Variants in GRIK2 observed in about 807,000 individuals in gnomAD.
The protein encoded by GRIK2 is glutamate ionotropic receptor kainate type subunit 2.
A neutral mutation model predicts 100.3 loss-of-function variants in GRIK2; 32 were observed. The ratio of observed to expected loss-of-function variants is 0.32; its 90% CI spans 0.24 to 0.43. The LOEUF is 0.43. Among genes scored for constraint, GRIK2 ranks in the 20% least tolerant of loss-of-function variants. The probability of loss-of-function intolerance (pLI) is 1.00; values close to 1 mark genes in which losing one functional copy is unlikely to be tolerated. For missense variants in GRIK2, 843 were observed against 1,114.9 expected (o/e 0.76, Z 3.47); for synonymous variants, 417 against 389.4 (o/e 1.07, Z -0.83).
chr6:101,586,640 A>C (rs1395854655), intron 2 of GRIK2, among the ~76,000 whole-genome samples: 1 of 151,960 alleles, frequency 6.6e-6, no homozygotes, highest in East Asian at 1.9e-4. Flanking sequence ...GGGCTGAGGC[A>C]GGTGGATTGC....
At position 101,589,328 on chromosome 6, in the gene GRIK2, T is replaced by C. The variant is rs1296597724; in HGVS notation, c.116-32621T>C. ...GGTGGCAACACCGTCTACCCTCTTT[T>C]AGAATATTTTTAAAACACAGTATGT... On this transcript the variant is annotated intron_variant, in intron 2 of 16. Coordinates refer to ENST00000369134, the MANE Select transcript of GRIK2 (RefSeq NM_021956.5). Among the ~76,000 whole-genome samples the C allele has an allele frequency of 3.9e-5, 6 of 152,272 alleles. 1 individual carries two copies. The South Asian group carries it at 1.0e-3, about 26-fold the overall frequency.
intron 7 of GRIK2, among the ~76,000 whole-genome samples, chr6:101,705,082 G>A (rs1033439793): frequency 4.1e-5 from 6 of 146,290 alleles, no homozygotes; most frequent in African/African-American, 1.0e-4. Flanking sequence ...ATAGATTTTT[G>A]TAGAATTTTA....
rs114445378 is a variant in GRIK2, at chr6:101,504,537, A to C, written c.115+105145A>C. ...TCATGTATTTAAGAAAAAGAACAAC[A>C]ATATAAATTATACTAGGGTGGCTAC... is the stretch of plus-strand genomic sequence containing the variant. On this transcript the variant is annotated intron_variant, in intron 2 of 16. Coordinates refer to ENST00000369134, the MANE Select transcript of GRIK2 (RefSeq NM_021956.5). 9.1e-3 allele frequency among the ~76,000 whole-genome samples: 1,380 copies of C among 151,900 alleles called. 26 individuals are homozygous for C. The highest frequency in any genetic ancestry group is 0.032 in the African/African-American group (1,321 of 41,492).
At chr6:101,545,860 A>G (rs1479393700) in intron 2 of GRIK2, among the ~76,000 whole-genome samples, 1 of 151,970 alleles carries the variant, frequency 6.6e-6, no homozygotes, top group Non-Finnish European at 1.5e-5. Flanking sequence ...TATACATCTG[A>G]TTTTTGATTT....
intron 7 of GRIK2, among the ~76,000 whole-genome samples, chr6:101,753,197 G>A (rs1317760072): frequency 6.6e-6 from 1 of 151,384 alleles, no homozygotes; most frequent in Non-Finnish European, 1.5e-5. Context: ...GCAGGAGAAT[G>A]GCGTGAACCT....
At chr6:101,808,501 G>C (rs1336297706) in intron 9 of GRIK2, among the ~76,000 whole-genome samples, 2 of 151,834 alleles carry the variant, frequency 1.3e-5, no homozygotes, top group African/African-American at 4.8e-5. Flanking sequence ...ACACTTTCCT[G>C]GTTATTCAAA....
chr6:101,473,853 G>A (rs1021926793), intron 2 of GRIK2, among the ~76,000 whole-genome samples: 1 of 151,828 alleles, frequency 6.6e-6, no homozygotes, highest in Non-Finnish European at 1.5e-5. Flanking sequence ...AACAGCAGAT[G>A]TTGCTTTTTT....
Position 101,483,126 on chromosome 6 carries a change from G to C in GRIK2, c.115+83734G>C, listed in dbSNP as rs556310189. ...GGCAGTCTTACTTTTTTTTAAATCAGATATCTTTCTAAAGCAGTGGTCGCA... is the reference window on the plus strand; with the variant it reads ...GGCAGTCTTACTTTTTTTTAAATCACATATCTTTCTAAAGCAGTGGTCGCA... On this transcript the variant is annotated intron_variant, in intron 2 of 16. Coordinates refer to ENST00000369134, the MANE Select transcript of GRIK2 (RefSeq NM_021956.5). 8.6e-4 allele frequency among the ~76,000 whole-genome samples: 131 copies of C among 152,076 alleles called. 1 individual carries two copies. Among genetic ancestry groups the C allele is most frequent in the African/African-American group, 3.1e-3 (130 of 41,494 alleles).
intron 4 of GRIK2, among the ~76,000 whole-genome samples, chr6:101,661,897 A>G (rs542584793): frequency 6.6e-6 from 1 of 152,218 alleles, no homozygotes; most frequent in South Asian, 2.1e-4. Context: ...TGCAGACCGG[A>G]GCTGTTCCTA....
intron 2 of GRIK2, among the ~76,000 whole-genome samples, chr6:101,447,707 A>C (rs1770457290): frequency 6.6e-6 from 1 of 151,666 alleles, no homozygotes; most frequent in African/African-American, 2.4e-5. Context: ...TGAACTATTG[A>C]TGAGACATTA....
chr6:101,690,369 A>G (rs1772007099), intron 7 of GRIK2, among the ~76,000 whole-genome samples: 1 of 152,122 alleles, frequency 6.6e-6, no homozygotes, highest in African/African-American at 2.4e-5. Context: ...AACCCTGGAC[A>G]CCAACCGCTA....
chr6:101,972,090 ATT>A (rs1170025123), intron 14 of GRIK2, among the ~76,000 whole-genome samples: 4 of 151,878 alleles, frequency 2.6e-5, no homozygotes, highest in Non-Finnish European at 2.9e-5. Context: ...AGAATGATTT[ATT>A]TTCTTTTGGA....
At chr6:101,574,399 G>A (rs1345172336) in intron 2 of GRIK2, among the ~76,000 whole-genome samples, 1 of 147,054 alleles carries the variant, frequency 6.8e-6, no homozygotes, top group Non-Finnish European at 1.5e-5. Flanking sequence ...ATACACTTTA[G>A]CAGCTTATTT....
At chr6:101,527,754 G>A (rs942642740) in intron 2 of GRIK2, among the ~76,000 whole-genome samples, 1 of 152,150 alleles carries the variant, frequency 6.6e-6, no homozygotes, top group African/African-American at 2.4e-5. Context: ...AGTCTAGTAT[G>A]CACAACCCAG....
chr6:101,892,361 T>G (rs1272785508), intron 12 of GRIK2, among the ~76,000 whole-genome samples: 1 of 152,168 alleles, frequency 6.6e-6, no homozygotes, highest in Non-Finnish European at 1.5e-5. Context: ...GGCATATGGA[T>G]GGATATGCAC....
intron 2 of GRIK2, among the ~76,000 whole-genome samples, chr6:101,507,378 A>G (rs766089901): frequency 1.3e-5 from 2 of 152,130 alleles, no homozygotes; most frequent in Non-Finnish European, 2.9e-5. Flanking sequence ...AAAAATACCC[A>G]TGATATTATT....
intron 2 of GRIK2, among the ~76,000 whole-genome samples, chr6:101,446,526 A>G (rs1465481313): frequency 6.6e-6 from 1 of 151,828 alleles, no homozygotes; most frequent in African/African-American, 2.4e-5. Flanking sequence ...TAAGAACCTT[A>G]TGGTTTTAGT....
At chr6:101,953,143 T>C (rs1442388088) in intron 14 of GRIK2, among the ~76,000 whole-genome samples, 1 of 152,218 alleles carries the variant, frequency 6.6e-6, no homozygotes, top group Non-Finnish European at 1.5e-5. Context: ...TACATTGATA[T>C]AACAAATTTT....
chr6:101,404,060 G>C (rs1420614318), intron 2 of GRIK2, among the ~76,000 whole-genome samples: 1 of 152,212 alleles, frequency 6.6e-6, no homozygotes, highest in African/African-American at 2.4e-5. Context: ...TCTCTACCCA[G>C]ATACATGAAA....
Sources: allele counts gnomAD v4.1 joint callset (sites outside exome capture counted in the v4.1 genomes callset), GRCh38; gene constraint gnomAD v4.1.1; transcripts MANE v1.5; gene names NCBI Gene and HGNC (gene_info 2026-07-23, HGNC 2026-07-21).